CCDC171: variants seen among roughly 807,000 people sequenced by gnomAD.
The protein encoded by CCDC171 is coiled-coil domain-containing protein 171.
Under a neutral mutation model 168.2 loss-of-function variants are expected in CCDC171, and 177 were observed. The ratio of observed to expected loss-of-function variants is 1.05; its 90% CI spans 0.93 to 1.19. The LOEUF is 1.19. CCDC171 is among the 50% of genes most tolerant of loss of function. CCDC171 has a pLI of 0.00. For missense variants in CCDC171, 1,991 were observed against 1,539.0 expected, an observed-to-expected ratio of 1.29 and a Z score of -4.91; for synonymous variants, 687 against 540.8, an observed-to-expected ratio of 1.27 and a Z score of -3.75.
At chr9:15,843,381 ATCTAGCCTTAACTT>A (rs1220787579) in intron 21 of CCDC171, among the ~76,000 whole-genome samples, 1 of 152,110 alleles carries the variant, frequency 6.6e-6, no homozygotes, top group East Asian at 1.9e-4. Context: ...TTGTTATCAT[ATCTAGCCTTAACTT>A]TCTAACAGCT....
chr9:15,834,896 C>G (rs2060376563), intron 21 of CCDC171, among the ~76,000 whole-genome samples: 1 of 152,150 alleles, frequency 6.6e-6, no homozygotes, highest in Admixed American at 6.5e-5. Flanking sequence ...ATCAGAGTAT[C>G]AAAGCAAACC....
At chr9:15,907,114 T>A (rs1460004452) in intron 24 of CCDC171, among the ~76,000 whole-genome samples, 1 of 152,158 alleles carries the variant, frequency 6.6e-6, no homozygotes, top group Non-Finnish European at 1.5e-5. Flanking sequence ...GCCATCCCCA[T>A]CAAGCTACCA....
intron 24 of CCDC171, among the ~76,000 whole-genome samples, chr9:15,885,119 T>C (rs1819213413): frequency 1.3e-5 from 2 of 152,234 alleles, no homozygotes; most frequent in Admixed American, 1.3e-4. Context: ...TTGTCACCTT[T>C]TCATCATTTA....
chr9:15,692,344 G>A (rs552715027), intron 10 of CCDC171, among the ~76,000 whole-genome samples: 1 of 146,610 alleles, frequency 6.8e-6, no homozygotes, highest in East Asian at 2.1e-4. Flanking sequence ...CAACCTGGAT[G>A]ATGGAGCAAG....
At chr9:15,611,116 G>A (rs1014718328) in intron 6 of CCDC171, among the ~76,000 whole-genome samples, 1 of 151,968 alleles carries the variant, frequency 6.6e-6, no homozygotes, top group African/African-American at 2.4e-5. Flanking sequence ...AGTGTGTAGC[G>A]CCTCCTTCCT....
intron 6 of CCDC171, among the ~76,000 whole-genome samples, chr9:15,612,578 A>C (rs1281023615): frequency 6.6e-6 from 1 of 152,124 alleles, no homozygotes; most frequent in Non-Finnish European, 1.5e-5. Flanking sequence ...AAATGTTTTT[A>C]GTATTAAAAG....
chr9:15,818,005 G>A lies in CCDC171; in HGVS notation c.3268-28697G>A, dbSNP rs977437707. 1.7e-5 allele frequency among the ~76,000 whole-genome samples: 2 copies of A among 116,972 alleles called. 1 individual carries two copies. Among genetic ancestry groups the A allele is most frequent in the Admixed American group, 1.6e-4 (2 of 12,402 alleles). 76.7% of individuals were successfully genotyped at this position (116,972 alleles called of 152,430 possible). The stretch of plus-strand genomic sequence containing the variant: ...CTCCTCTGAGACAAAACTTCCAGAG[G>A]AACGATCAGGCAGCAGCATTTGCGG... On this transcript the variant is annotated intron_variant, in intron 21 of 25. Coordinates refer to ENST00000380701, the MANE Select transcript of CCDC171 (RefSeq NM_173550.4).
intron 9 of CCDC171, among the ~76,000 whole-genome samples, chr9:15,675,842 C>T (rs754787321): frequency 3.3e-5 from 5 of 151,978 alleles, no homozygotes; most frequent in Admixed American, 6.6e-5. Context: ...ATCTGACAAT[C>T]GTGCATCTTG....
intron 6 of CCDC171, among the ~76,000 whole-genome samples, chr9:15,615,355 C>T (rs1018737126): frequency 1.7e-4 from 26 of 152,020 alleles, no homozygotes; most frequent in East Asian, 5.8e-4. Flanking sequence ...CATCTTTTTC[C>T]GTGAAAACAT....
In CCDC171 at chr9:15,799,386, A is replaced by G. The variant is rs963419871; in HGVS notation, c.3267+14692A>G. Among the ~76,000 whole-genome samples the G allele has an allele frequency of 6.6e-5, 10 of 151,062 alleles. 1 individual carries two copies. The highest frequency in any genetic ancestry group is 5.9e-4 in the Admixed American group (9 of 15,142). On this transcript the variant is annotated intron_variant, in intron 21 of 25. Transcript: ENST00000380701. ...TATTTCTGACAAGAAATACGTGTTC[A>G]TTTTACCTTTGTTTGTCTCTATGTA...
chr9:15,955,541 C>T (rs1400712068), intron 25 of CCDC171, among the ~76,000 whole-genome samples: 1 of 152,110 alleles, frequency 6.6e-6, no homozygotes, highest in Non-Finnish European at 1.5e-5. Flanking sequence ...TGTCATGGGG[C>T]TGGAAGTGGG....
At chr9:15,567,992 C>G (rs1157002120) in intron 2 of CCDC171, among the ~76,000 whole-genome samples, 1 of 140,288 alleles carries the variant, frequency 7.1e-6, no homozygotes, top group Non-Finnish European at 1.6e-5. Flanking sequence ...CTTTTTGATG[C>G]TGTTATAAAT....
intron 18 of CCDC171, among the ~76,000 whole-genome samples, chr9:15,753,271 G>T (rs1490302770): frequency 6.6e-6 from 1 of 152,128 alleles, no homozygotes; most frequent in Non-Finnish European, 1.5e-5. Flanking sequence ...TAGAATGATG[G>T]CAAGTTAGAG....
intron 25 of CCDC171, among the ~76,000 whole-genome samples, chr9:15,943,403 G>A (rs1347742247): frequency 6.6e-6 from 1 of 151,948 alleles, no homozygotes; most frequent in Non-Finnish European, 1.5e-5. Context: ...TTCTGCAAAT[G>A]GTGGGAACAT....
At chr9:15,835,270 G>T (rs185982654) in intron 21 of CCDC171, among the ~76,000 whole-genome samples, 1 of 152,150 alleles carries the variant, frequency 6.6e-6, no homozygotes, top group East Asian at 1.9e-4. Context: ...ACATGTATTT[G>T]TATTTATTTA....
the CCDC171 span, among the ~76,000 whole-genome samples, chr9:16,079,597 G>A: frequency 6.6e-6 from 1 of 152,208 alleles, no homozygotes; most frequent in Admixed American, 6.5e-5. Context: ...CAGAAGCCGG[G>A]AGAGAGGCCT....
chr9:15,568,592 T>C (rs2039947454), intron 2 of CCDC171, among the ~76,000 whole-genome samples: 1 of 152,198 alleles, frequency 6.6e-6, no homozygotes. Flanking sequence ...TTTTTGATAA[T>C]GGCCATTCTG....
chr9:16,019,989 C>A (rs1160085462), intron 3 of CCDC171, among the ~76,000 whole-genome samples: 1 of 152,122 alleles, frequency 6.6e-6, no homozygotes, highest in African/African-American at 2.4e-5. Context: ...TAATAGTTCC[C>A]CTTTATCTGC....
chr9:16,078,096 ACACT>A, the CCDC171 span, among the ~76,000 whole-genome samples: 6 of 139,714 alleles, frequency 4.3e-5, no homozygotes, highest in East Asian at 8.1e-4. Context: ...ACACACACAC[ACACT>A]CACAAAGGTG....
Sources: gnomAD v4.1 joint callset for allele counts (sites outside exome capture counted in the v4.1 genomes callset) on GRCh38, gnomAD v4.1.1 for gene constraint, MANE v1.5 for transcripts, NCBI Gene and HGNC (gene_info 2026-07-23, HGNC 2026-07-21) for gene names.